BBOF1: variants seen among roughly 807,000 people sequenced by gnomAD.
BBOF1 encodes basal body-orientation factor 1.
In BBOF1, 62 loss-of-function variants were observed where a neutral mutation model predicts 68.0. The ratio of observed to expected loss-of-function variants is 0.91; its 90% CI spans 0.74 to 1.13. The LOEUF (loss-of-function observed/expected upper bound fraction) is 1.13. BBOF1 is among the 50% of genes most tolerant of loss of function. The probability of loss-of-function intolerance (pLI) is 0.00; values close to 1 mark genes in which losing one functional copy is unlikely to be tolerated. For missense variants in BBOF1, 534 were observed against 600.1 expected, an observed-to-expected ratio of 0.89 and a Z score of 1.15; for synonymous variants, 208 against 198.8, an observed-to-expected ratio of 1.05 and a Z score of -0.39.
intron 11 of BBOF1, chr14:74,057,534 T>C (rs1231661183): frequency 1.5e-6 from 2 of 1,347,838 alleles, no homozygotes; most frequent in African/African-American, 2.9e-5. Flanking sequence ...GTGTACTATC[T>C]TTTACGTAAG....
downstream of BBOF1, among the ~76,000 whole-genome samples, chr14:74,069,902 A>T (rs1210395114): frequency 7.2e-6 from 1 of 139,666 alleles, no homozygotes; most frequent in Non-Finnish European, 1.5e-5. Context: ...CCTAGGCTAG[A>T]GTACAGTGGT....
intron 9 of BBOF1, chr14:74,072,082 A>G: frequency 6.4e-7 from 1 of 1,566,048 alleles, no homozygotes; most frequent in Non-Finnish European, 8.8e-7. Context: ...CAAGGGAGAG[A>G]GTCATGATCA....
intron 10 of BBOF1, among the ~76,000 whole-genome samples, chr14:74,080,801 A>C (rs2060661818): frequency 6.6e-6 from 1 of 152,200 alleles, no homozygotes. Context: ...TTTCTGAAAC[A>C]TAAATCTGGT....
intron 7 of BBOF1, 122 bp from the exon 8 acceptor site, chr14:74,049,580 T>G (rs2139612610): frequency 1.2e-6 from 1 of 813,914 alleles, no homozygotes; most frequent in East Asian, 2.7e-5. Flanking sequence ...GAGAATTGCT[T>G]GAACCCAGGA....
At chr14:74,080,634 G>C (rs1566838155) in intron 10 of BBOF1, among the ~76,000 whole-genome samples, 1 of 152,004 alleles carries the variant, frequency 6.6e-6, no homozygotes, top group African/African-American at 2.4e-5. Context: ...GTAGAGATGG[G>C]GCCTCCCTAT....
chr14:74,078,132 A>C (rs2060633171), intron 9 of BBOF1: 1 of 448,414 alleles, frequency 2.2e-6, no homozygotes, highest in Non-Finnish European at 4.5e-6. Flanking sequence ...CTTTATCTTA[A>C]AACTCCCAAT....
At position 74,072,003 on chromosome 14, in the gene BBOF1, A is replaced by G. The variant is rs4646861; in HGVS notation, n.1380-6193A>G. 234,373 of 1,605,306 alleles carry G rather than the reference A, an allele frequency of 0.15. 21,754 individuals carry two copies. The highest frequency in any genetic ancestry group is 0.55 in the East Asian group (24,620 of 44,818). ...GAGAGAAGACACACAAATAGAAATT[A>G]ATGCAAGAATGTTCCTCTTTTAAAT... On this transcript the variant is annotated intron_variant and non_coding_transcript_variant, in intron 9 of 12. Coordinates refer to the BBOF1 transcript ENST00000492026.
chr14:74,058,709 T>C (rs1266024897), intron 11 of BBOF1: 1 of 152,070 alleles, frequency 6.6e-6, no homozygotes, highest in African/African-American at 2.4e-5. Context: ...TTCAATTGGA[T>C]TGGTACTGCA....
In BBOF1 at chr14:74,049,761, A is replaced by G; in HGVS notation, c.852A>G (p.Gln284=). The G allele has an allele frequency of 1.9e-6, 3 of 1,614,142 alleles. No individual in the cohort carries two copies. The highest frequency in any genetic ancestry group is 2.5e-6 in the Non-Finnish European group (3 of 1,180,018). ...KIMQLVQQRS[Q]IQTLQKKVVN... is the part of the protein sequence containing the mutation. ...TGCAACTTGTCCAGCAGAGATCACA[A>G]ATCCAAACCCTTCAGAAGAAGGTAG... is the stretch of plus-strand genomic sequence containing the variant. Residue 284 remains glutamine (Q), a synonymous_variant, in exon 8 of 12, where the codon CAA becomes CAG. Coordinates refer to ENST00000394009, the MANE Select transcript of BBOF1 (RefSeq NM_025057.3).
chr14:74,028,512 A>ACACACAC (rs1491423768), intron 2 of BBOF1, among the ~76,000 whole-genome samples: 1 of 122,868 alleles, frequency 8.1e-6, no homozygotes, highest in African/African-American at 3.0e-5. Context: ...ACACACACAC[A>ACACACAC]AATAGAGGGA....
intron 11 of BBOF1, chr14:74,057,625 C>T: frequency 1.5e-6 from 2 of 1,336,298 alleles, no homozygotes; most frequent in Non-Finnish European, 2.0e-6. Context: ...AGGACAAAGG[C>T]TTATAAGGAG....
Position 74,050,139 on chromosome 14 carries a change from T to C in BBOF1, c.1230T>C (p.Asp410=). 1.2e-6 allele frequency: 2 copies of C among 1,604,196 alleles called. No homozygotes were observed. The highest frequency in any genetic ancestry group is 1.3e-5 in the African/African-American group (1 of 74,846). Residue 410 remains aspartate (D), a synonymous_variant, in exon 8 of 12, where the codon GAT becomes GAC. Coordinates refer to ENST00000394009, the MANE Select transcript of BBOF1 (RefSeq NM_025057.3). ...RTEYPKIRTF[D]GREHSTNSVN... ...AATATCCCAAAATCAGAACATTTGA[T>C]GGCAGAGAGCACAGCACCAATAGTG...
chr14:74,060,668 C>T (rs1489175709), intron 11 of BBOF1: 1 of 1,613,242 alleles, frequency 6.2e-7, no homozygotes, highest in Non-Finnish European at 8.5e-7. Flanking sequence ...GGCATGACAA[C>T]AGCAGGTGAG....
intron 9 of BBOF1, among the ~76,000 whole-genome samples, chr14:74,056,443 G>C (rs1372084871): frequency 6.6e-6 from 1 of 151,528 alleles, no homozygotes; most frequent in African/African-American, 2.4e-5. Context: ...GAGGTGACCT[G>C]CCCGCCTCAG....
chr14:74,029,119 C>T, intron 2 of BBOF1, 65 bp from the exon 3 acceptor site: 1 of 1,008,688 alleles, frequency 9.9e-7, no homozygotes, highest in African/African-American at 1.6e-5. Context: ...AACTAGTCTA[C>T]TTAATAAAGG....
intron 3 of BBOF1, among the ~76,000 whole-genome samples, chr14:74,032,125 T>TA (rs1387537674): frequency 3.2e-4 from 45 of 140,076 alleles, no homozygotes; most frequent in Admixed American, 7.7e-4. Context: ...TTGATTTTTT[T>TA]TTTTTTTTTT....
Position 74,065,262 on chromosome 14 carries a change from G to T in BBOF1, c.*563G>T. 1 of 1,614,096 alleles carries T rather than the reference G, an allele frequency of 6.2e-7. No individual in the cohort carries two copies. Among genetic ancestry groups the T allele is most frequent in the African/African-American group, 1.3e-5 (1 of 75,032 alleles). On this transcript the variant is annotated 3_prime_UTR_variant, in exon 12 of 12. Transcript: ENST00000394009. ...AGATGGCAGTTCCATTTCCATATGGGTTGTTATTTACAATCTGGATGGCTT... is the reference window on the plus strand; with the variant it reads ...AGATGGCAGTTCCATTTCCATATGGTTTGTTATTTACAATCTGGATGGCTT...
intron 3 of BBOF1, among the ~76,000 whole-genome samples, chr14:74,031,506 A>T (rs910756669): frequency 1.3e-5 from 2 of 152,090 alleles, no homozygotes; most frequent in African/African-American, 2.4e-5. Context: ...TTATGACAGA[A>T]TACCATAGAC....
At chr14:74,056,616 A>G (rs1321765059) in intron 9 of BBOF1, among the ~76,000 whole-genome samples, 1 of 152,132 alleles carries the variant, frequency 6.6e-6, no homozygotes, top group Non-Finnish European at 1.5e-5. Context: ...GATTACAGGC[A>G]TGAGCCACTG....
Sources: gnomAD v4.1 joint callset for allele counts (sites outside exome capture counted in the v4.1 genomes callset) on GRCh38, gnomAD v4.1.1 for gene constraint, MANE v1.5 for transcripts, NCBI Gene and HGNC (gene_info 2026-07-23, HGNC 2026-07-21) for gene names.